The following COL6A6 variants were observed in gnomAD, a reference collection of about 807,000 sequenced individuals.
COL6A6 encodes the protein collagen type VI alpha 6 chain.
COL6A6 carries 183 observed loss-of-function variants against 208.6 expected under a neutral mutation model. The ratio of observed to expected loss-of-function variants is 0.88; its 90% confidence interval spans 0.78 to 0.99. The LOEUF (loss-of-function observed/expected upper bound fraction) is 0.99. COL6A6 is among the 50% of genes least tolerant of loss of function. The pLI, the probability that COL6A6 is intolerant of heterozygous loss-of-function variation, is 0.00. For missense variants in COL6A6, 2,816 were observed against 2,815.2 expected, an observed-to-expected ratio of 1.00 and a Z score of -0.01; for synonymous variants, 973 against 1,011.8, an observed-to-expected ratio of 0.96 and a Z score of 0.73.
rs1168352138 is a variant in COL6A6, at chr3:130,675,539, T to C, written c.*142T>C. 4 of 553,344 alleles carry C rather than the reference T, an allele frequency of 7.2e-6. No homozygotes were observed. Among genetic ancestry groups the C allele is most frequent in the Admixed American group, 6.6e-5 (2 of 30,392 alleles). 34.3% of individuals were successfully genotyped at this position (553,344 alleles called of 1,614,324 possible). ...CCCTGCATTCATTGGTATTAAGATA[T>C]ATCTTGTTCATTTATTTGACCACTC... On this transcript the variant is annotated 3_prime_UTR_variant, in exon 37 of 37. Transcript: ENST00000358511.
intron 28 of COL6A6, 101 bp downstream of exon 28, chr3:130,635,862 T>C: frequency 1.2e-6 from 1 of 848,942 alleles, no homozygotes; most frequent in Non-Finnish European, 1.9e-6. Context: ...ACCAGTGACT[T>C]GCAAAATGCA....
At chr3:130,620,866 A>G (rs1159378964) in intron 23 of COL6A6, among the ~76,000 whole-genome samples, 2 of 152,218 alleles carry the variant, frequency 1.3e-5, no homozygotes, top group Admixed American at 6.5e-5. Flanking sequence ...TGTGCAAATG[A>G]TTTCAGCTCA....
At chr3:130,672,878 A>G (rs1369511806) in intron 36 of COL6A6, among the ~76,000 whole-genome samples, 4 of 151,430 alleles carry the variant, frequency 2.6e-5, no homozygotes, top group African/African-American at 9.7e-5. Flanking sequence ...GCGTGGTGGC[A>G]CACACCTGTA....
intron 33 of COL6A6, among the ~76,000 whole-genome samples, chr3:130,651,425 CAAAAAAAAAAA>C (rs35957602): frequency 4.9e-5 from 3 of 61,038 alleles, no homozygotes; most frequent in Non-Finnish European, 6.6e-5. Flanking sequence ...GACTCCATCT[CAAAAAAAAAAA>C]AAAAAAAAAA....
chr3:130,563,252 C>T lies in COL6A6; in HGVS notation c.249C>T (p.Thr83=). 1 of 1,614,046 alleles carries T rather than the reference C, an allele frequency of 6.2e-7. No homozygotes were observed. Among genetic ancestry groups the T allele is most frequent in the Non-Finnish European group, 8.5e-7 (1 of 1,179,898 alleles). ...DKLHSEFHLS[T]FKGRSPMLNH... The stretch of plus-strand genomic sequence containing the variant: ...TTCACAGTGAATTCCACCTGAGCAC[C>T]TTCAAAGGCAGGAGCCCCATGCTGA... The change falls in exon 3 of 37, where the codon ACC becomes ACT. Residue 83 remains threonine (T), a synonymous_variant. Transcript: ENST00000358511.
chr3:130,653,932 A>G (rs1178713443), intron 33 of COL6A6, among the ~76,000 whole-genome samples: 3 of 152,202 alleles, frequency 2.0e-5, no homozygotes, highest in South Asian at 2.1e-4. Context: ...GTTGACACCA[A>G]TGTGTTGATA....
chr3:130,545,654 A>G (rs1384689345), intron 1 of COL6A6, among the ~76,000 whole-genome samples: 1 of 152,028 alleles, frequency 6.6e-6, no homozygotes. Context: ...CAGAGGTTTC[A>G]CCATGTTGGC....
Position 130,649,106 on chromosome 3 carries a change from G to A in COL6A6, c.5277G>A (p.Val1759=), listed in dbSNP as rs1271760334. ...PECPVHPTEL[V]FALDHSRDVT... is the part of the protein sequence containing the mutation. ...GCCCAGTGCACCCAACCGAGTTGGT[G>A]TTTGCCCTGGACCACTCCCGGGATG... The change falls in exon 33 of 37, where the codon GTG becomes GTA. Residue 1759 remains valine (V), a synonymous_variant. Coordinates refer to ENST00000358511, the MANE Select transcript of COL6A6 (RefSeq NM_001102608.3). 1.3e-6 allele frequency: 2 copies of A among 1,575,946 alleles called. No homozygotes were observed. The highest frequency in any genetic ancestry group is 2.7e-5 in the African/African-American group (2 of 73,810).
At chr3:130,628,343 A>T (rs556745411) in intron 26 of COL6A6, among the ~76,000 whole-genome samples, 1 of 152,224 alleles carries the variant, frequency 6.6e-6, no homozygotes, top group East Asian at 1.9e-4. Context: ...GAAGTTTATA[A>T]TTATGTAAAT....
intron 34 of COL6A6, among the ~76,000 whole-genome samples, chr3:130,661,199 ATTAC>A (rs1287787874): frequency 6.6e-6 from 1 of 152,236 alleles, no homozygotes; most frequent in African/African-American, 2.4e-5. Flanking sequence ...TAAAAGATAT[ATTAC>A]TTTGTTCACT....
chr3:130,591,339 T>C (rs1209135447), intron 13 of COL6A6, among the ~76,000 whole-genome samples: 1 of 152,222 alleles, frequency 6.6e-6, no homozygotes, highest in Admixed American at 6.5e-5. Context: ...AGTAACCTCC[T>C]TCACTAGGGG....
chr3:130,570,376 G>T (rs2063133033), intron 6 of COL6A6, among the ~76,000 whole-genome samples: 1 of 152,122 alleles, frequency 6.6e-6, no homozygotes, highest in South Asian at 2.1e-4. Context: ...TTTTCATTTG[G>T]TCATTTCCCC....
At position 130,594,116 on chromosome 3, in the gene COL6A6, A is replaced by G. The variant is rs149514866; in HGVS notation, c.4471-165A>G. Among the ~76,000 whole-genome samples the G allele has an allele frequency of 7.6e-3, 1,151 of 152,360 alleles. 13 individuals are homozygous for G. The highest frequency in any genetic ancestry group is 0.011 in the Non-Finnish European group (753 of 68,038). ...TTGAGTTCACTATTAAATTATTTAT[A>G]TGGTGCTTGAAACTAATTTTTTCGG... On this transcript the variant is annotated intron_variant, in intron 17 of 36. Coordinates refer to ENST00000358511, the MANE Select transcript of COL6A6 (RefSeq NM_001102608.3).
intron 35 of COL6A6, 39 bp downstream of exon 35, chr3:130,662,347 TATACTTGGTATTACTAAAAAAA>T: frequency 4.5e-6 from 7 of 1,553,506 alleles, no homozygotes; most frequent in Non-Finnish European, 6.1e-6. Flanking sequence ...ACTTTAAGAA[TATACTTGGTATTACTAAAAAAA>T]GGTTGATGAG....
intron 17 of COL6A6, 34 bp from the exon 18 acceptor site, chr3:130,594,242 TTCTTG>T (rs1440493371): frequency 6.9e-7 from 1 of 1,443,778 alleles, no homozygotes; most frequent in Admixed American, 1.7e-5. Context: ...TTATTAAAAC[TTCTTG>T]TCTTGTTTTT....
intron 4 of COL6A6, 40 bp downstream of exon 4, chr3:130,565,654 T>C (rs2063001922): frequency 6.4e-7 from 1 of 1,550,778 alleles, no homozygotes; most frequent in South Asian, 1.3e-5. Flanking sequence ...TTGGATTCTT[T>C]TTTTCTTCTC....
At chr3:130,595,649 G>A (rs891868287) in intron 18 of COL6A6, among the ~76,000 whole-genome samples, 7 of 152,020 alleles carry the variant, frequency 4.6e-5, no homozygotes, top group Non-Finnish European at 7.4e-5. Context: ...ATTCAATTTC[G>A]TGGCTGCATT....
chr3:130,592,662 C>G (rs546569432), intron 14 of COL6A6, 34 bp from the exon 15 acceptor site: 1 of 1,612,706 alleles, frequency 6.2e-7, no homozygotes, highest in East Asian at 2.2e-5. Context: ...ATTACATTTT[C>G]CTACACTAAC....
chr3:130,626,678 G>A (rs530244546), intron 25 of COL6A6, 131 bp downstream of exon 25: 2 of 666,696 alleles, frequency 3.0e-6, no homozygotes, highest in African/African-American at 3.6e-5. Context: ...TAGAAATTAG[G>A]AGGGATATTG....
Sources: allele counts gnomAD v4.1 joint callset (sites outside exome capture counted in the v4.1 genomes callset), GRCh38; gene constraint gnomAD v4.1.1; transcripts MANE v1.5; gene names NCBI Gene and HGNC (gene_info 2026-07-23, HGNC 2026-07-21).